The following MDGA2 variants were observed in gnomAD, a reference collection of about 807,000 sequenced individuals.
MDGA2 encodes MAM domain containing glycosylphosphatidylinositol anchor 2, also known as MAM domain-containing glycosylphosphatidylinositol anchor protein 2.
A neutral mutation model predicts 117.8 loss-of-function variants in MDGA2; 40 were observed. The observed-to-expected ratio is 0.34, with a 90% CI of 0.26 to 0.44. The LOEUF (loss-of-function observed/expected upper bound fraction) is 0.44. Among genes scored for constraint, MDGA2 ranks in the 20% least tolerant of loss-of-function variants. The pLI, the probability that MDGA2 is intolerant of heterozygous loss-of-function variation, is 1.00. For synonymous variants in MDGA2, 452 were observed against 439.0 expected (o/e 1.03, Z -0.37); for missense variants, 1,123 against 1,250.6 (o/e 0.90, Z 1.54).
At chr14:46,963,726 T>C (rs1351859383) in intron 8 of MDGA2, among the ~76,000 whole-genome samples, 3 of 152,176 alleles carry the variant, frequency 2.0e-5, no homozygotes, top group Non-Finnish European at 4.4e-5. Flanking sequence ...TCATTGCATA[T>C]ATTTTCTGCA....
At chr14:47,153,189 G>A (rs1382611291) in intron 3 of MDGA2, among the ~76,000 whole-genome samples, 1 of 152,182 alleles carries the variant, frequency 6.6e-6, no homozygotes, top group Non-Finnish European at 1.5e-5. Flanking sequence ...TTCTGGAGAA[G>A]AGATTTGGGG....
intron 1 of MDGA2, among the ~76,000 whole-genome samples, chr14:47,457,350 A>ACACTTT (rs1466536874): frequency 6.6e-6 from 1 of 152,192 alleles, no homozygotes; most frequent in Non-Finnish European, 1.5e-5. Flanking sequence ...TTTAAAAGGC[A>ACACTTT]CACTTTCTGC....
chr14:47,384,659 G>T (rs1321376755), intron 1 of MDGA2, among the ~76,000 whole-genome samples: 2 of 152,070 alleles, frequency 1.3e-5, no homozygotes, highest in Non-Finnish European at 2.9e-5. Context: ...CCAAATCACT[G>T]CTCCTGATTG....
At chr14:47,254,279 A>G (rs987324047) in intron 2 of MDGA2, among the ~76,000 whole-genome samples, 2 of 152,196 alleles carry the variant, frequency 1.3e-5, no homozygotes, top group Non-Finnish European at 2.9e-5. Context: ...TTTATTTTCT[A>G]TCACATTGTC....
chr14:47,022,925 A>G (rs1888337444), intron 8 of MDGA2, among the ~76,000 whole-genome samples: 1 of 152,148 alleles, frequency 6.6e-6, no homozygotes, highest in African/African-American at 2.4e-5. Flanking sequence ...TCCAAATAGA[A>G]CAATGCTTGC....
intron 1 of MDGA2, among the ~76,000 whole-genome samples, chr14:47,617,709 T>A (rs941343438): frequency 6.6e-6 from 1 of 152,178 alleles, no homozygotes. Context: ...AACTAATTTA[T>A]ATTTATTGCT....
intron 1 of MDGA2, among the ~76,000 whole-genome samples, chr14:47,582,934 A>G (rs1291136890): frequency 6.6e-6 from 1 of 151,952 alleles, no homozygotes; most frequent in Non-Finnish European, 1.5e-5. Flanking sequence ...ACCGCAAGTG[A>G]GCAAATGTAC....
At chr14:47,523,280 G>GTT (rs1894906557) in intron 1 of MDGA2, among the ~76,000 whole-genome samples, 1 of 152,154 alleles carries the variant, frequency 6.6e-6, no homozygotes, top group African/African-American at 2.4e-5. Context: ...TAAAACCTAC[G>GTT]TTAATTAGAA....
At chr14:47,025,664 C>T (rs1254902304) in intron 8 of MDGA2, among the ~76,000 whole-genome samples, 1 of 151,316 alleles carries the variant, frequency 6.6e-6, no homozygotes, top group East Asian at 2.0e-4. Flanking sequence ...CCTAAGTAGC[C>T]TCTAAACACC....
intron 8 of MDGA2, among the ~76,000 whole-genome samples, chr14:47,000,645 C>T (rs1887498740): frequency 6.6e-6 from 1 of 151,024 alleles, no homozygotes. Flanking sequence ...ATCTTTTAGG[C>T]CTTTGTAATC....
At chr14:47,102,796 A>C (rs919176120) in intron 5 of MDGA2, among the ~76,000 whole-genome samples, 1 of 152,178 alleles carries the variant, frequency 6.6e-6, no homozygotes, top group Non-Finnish European at 1.5e-5. Flanking sequence ...GCCCTGGTCG[A>C]ACACATTCCT....
intron 9 of MDGA2, among the ~76,000 whole-genome samples, chr14:46,926,547 A>G (rs1884339954): frequency 6.6e-6 from 1 of 152,160 alleles, no homozygotes; most frequent in Admixed American, 6.6e-5. Flanking sequence ...GCAGTGGGTT[A>G]TGTGTTAAAA....
At chr14:47,484,298 C>T (rs1055171881) in intron 1 of MDGA2, among the ~76,000 whole-genome samples, 5 of 151,920 alleles carry the variant, frequency 3.3e-5, no homozygotes, top group Middle Eastern at 3.2e-3. Context: ...ATGTGAAATA[C>T]ATTTGGTCTT....
At chr14:47,319,241 A>T (rs1889904244) in intron 1 of MDGA2, among the ~76,000 whole-genome samples, 1 of 152,178 alleles carries the variant, frequency 6.6e-6, no homozygotes, top group Admixed American at 6.6e-5. Flanking sequence ...CAAGTCACAG[A>T]TACTGACATT....
At chr14:46,923,767 A>G (rs1203608464) in intron 9 of MDGA2, among the ~76,000 whole-genome samples, 2 of 152,066 alleles carry the variant, frequency 1.3e-5, no homozygotes, top group East Asian at 3.9e-4. Flanking sequence ...CTCTAATTTC[A>G]GAGCCAATTA....
Position 47,224,283 on chromosome 14 carries a change from TGATATAGATATA to T in MDGA2, c.421-6100_421-6089del, listed in dbSNP as rs3039434. ...GGCCTATTCAATTCCCAATAGAGTC[TGATATAGATATA>T]GATATAGATATAGATATAGATATAG... On this transcript the variant is annotated intron_variant, in intron 2 of 16. Coordinates refer to ENST00000399232, the MANE Select transcript of MDGA2 (RefSeq NM_001113498.3). Among the ~76,000 whole-genome samples the T allele has an allele frequency of 4.5e-3, 607 of 134,136 alleles. 3 individuals carry two copies. Among genetic ancestry groups the T allele is most frequent in the African/African-American group, 0.014 (499 of 36,798 alleles). The allele number at this position is 134,136 out of a possible 152,430, so 88.0% of individuals were successfully genotyped here.
At chr14:47,004,191 T>C (rs528315539) in intron 8 of MDGA2, among the ~76,000 whole-genome samples, 1 of 151,946 alleles carries the variant, frequency 6.6e-6, no homozygotes, top group Non-Finnish European at 1.5e-5. Flanking sequence ...ACACGGAAGA[T>C]ACTCAACATT....
At chr14:47,480,836 C>G (rs1027143137) in intron 1 of MDGA2, among the ~76,000 whole-genome samples, 1 of 151,748 alleles carries the variant, frequency 6.6e-6, no homozygotes, top group African/African-American at 2.4e-5. Flanking sequence ...GGACAACGTG[C>G]TATTGTAAAA....
chr14:47,300,433 A>G (rs1393403344), intron 2 of MDGA2, among the ~76,000 whole-genome samples: 1 of 152,000 alleles, frequency 6.6e-6, no homozygotes, highest in East Asian at 1.9e-4. Context: ...TAACCTAAAC[A>G]TATTATCTTC....
Sources: gnomAD v4.1 joint callset for allele counts (sites outside exome capture counted in the v4.1 genomes callset) on GRCh38, gnomAD v4.1.1 for gene constraint, MANE v1.5 for transcripts, NCBI Gene and HGNC (gene_info 2026-07-23, HGNC 2026-07-21) for gene names.